Variants in ANKLE1 observed in about 807,000 individuals in gnomAD.
ANKLE1 encodes ankyrin repeat and LEM domain containing 1.
In ANKLE1, 59 loss-of-function variants were observed where a neutral mutation model predicts 56.2. The observed-to-expected ratio is 1.05, with a 90% CI of 0.85 to 1.30. The LOEUF is 1.30. Ranked by LOEUF, ANKLE1 falls within the 50% of genes most tolerant of loss-of-function variation. The pLI, the probability that ANKLE1 is intolerant of heterozygous loss-of-function variation, is 0.00. For missense variants in ANKLE1, 771 were observed against 816.1 expected (o/e 0.94, Z 0.67); for synonymous variants, 341 against 352.9 (o/e 0.97, Z 0.38).
Position 17,283,744 on chromosome 19 carries a change from T to C in ANKLE1, c.980T>C (p.Ile327Thr), listed in dbSNP as rs780072690. 2 of 1,613,612 alleles carry C rather than the reference T, an allele frequency of 1.2e-6. No homozygotes were observed. The highest frequency in any genetic ancestry group is 2.7e-5 in the African/African-American group (2 of 75,024). The part of the protein sequence containing the change: ...CHCLWEHQTS[I>T]DSDMATLWLT... ...TGCCTGTGGGAGCACCAGACATCCA[T>C]TGATAGTGACATGGCCACGCTCTGG... The change falls in exon 5 of 9, where the codon ATT becomes ACT. Residue 327 changes from isoleucine (I) to threonine (T), a missense_variant. Physicochemically the swap from Ile to Thr is moderately conservative, Grantham distance 89. Coordinates refer to ENST00000404085, the MANE Select transcript of ANKLE1 (RefSeq NM_152363.6).
rs34112069 is a variant in ANKLE1, at chr19:17,284,229, G to A, written c.1339G>A (p.Val447Met). ...TGCCAGGAGGTGGCGGGAGGGGGTC[G>A]TGAAGTCTAGCTTCACCTATCTGCT... The part of the protein sequence containing the change: ...DPARRWREGV[V>M]KSSFTYLLLD... The change falls in exon 6 of 9, where the codon GTG (valine) becomes ATG (methionine). Residue 447 changes from valine to methionine, a missense_variant. Transcript: ENST00000404085. 3.0e-3 allele frequency: 4,912 copies of A among 1,613,752 alleles called. 118 individuals carry two copies. The African/African-American group carries it at 0.053, about 18-fold the overall frequency.
Position 17,287,643 on chromosome 19 carries a change from T to C in ANKLE1, c.*1091T>C, listed in dbSNP as rs1438968075. 6.6e-6 allele frequency: 1 copy of C among 151,976 alleles called. No homozygotes were observed. The highest frequency in any genetic ancestry group is 1.5e-5 in the Non-Finnish European group (1 of 68,044). 9.4% of individuals were successfully genotyped at this position (151,976 alleles called of 1,614,324 possible). ...AGTTTCTTAATAAATTTGCTTTCAC[T>C]GTACTCTATGAACTCGCCCTGGATT... On this transcript the variant is annotated 3_prime_UTR_variant, in exon 9 of 9. Transcript: ENST00000404085.
Position 17,283,778 on chromosome 19 carries a change from G to C in ANKLE1, c.1014G>C (p.Glu338Asp). The change falls in exon 5 of 9, where the codon GAG becomes GAC. Residue 338 changes from glutamate to aspartate, a missense_variant. Transcript: ENST00000404085. ...DSDMATLWLT[E>D]DEASSTGGRE... The stretch of plus-strand genomic sequence containing the variant: ...ACATGGCCACGCTCTGGCTGACAGA[G>C]GATGAGGCAAGCTCTACAGGTGGCA... 6.2e-7 allele frequency: 1 copy of C among 1,613,698 alleles called. No homozygotes were observed.
rs887988859 is a variant in ANKLE1 at position 17,286,805 on chromosome 19, C to T, written c.*253C>T. ...AGGTAGTAAGTAGTGAGCTCCCCAT[C>T]GTGGGAGGAGGACAAGAAGGGAAGC... is the stretch of plus-strand genomic sequence containing the variant. On this transcript the variant is annotated 3_prime_UTR_variant, in exon 9 of 9. Coordinates refer to ENST00000404085, the MANE Select transcript of ANKLE1 (RefSeq NM_152363.6). The T allele has an allele frequency of 4.5e-6, 6 of 1,334,242 alleles. No homozygotes were observed. Among genetic ancestry groups the T allele is most frequent in the Admixed American group, 3.3e-5 (1 of 30,734 alleles). The allele number at this position is 1,334,242 out of a possible 1,614,324, so 82.7% of individuals were successfully genotyped here.
At position 17,285,422 on chromosome 19, in the gene ANKLE1, T is replaced by C; in HGVS notation, c.1377-9T>C. 6.2e-7 allele frequency: 1 copy of C among 1,613,516 alleles called. No individual in the cohort carries two copies. Among genetic ancestry groups the C allele is most frequent in the Non-Finnish European group, 8.5e-7 (1 of 1,179,874 alleles). ...ACTTTTCCCTGTCTGAGCTATCCCC[T>C]TCATCCAGGGAGACTCAGGACCTGC... On this transcript the variant is annotated splice_polypyrimidine_tract_variant and intron_variant, in intron 6 of 8. Transcript: ENST00000404085.
In ANKLE1 at chr19:17,282,876, C is replaced by T. The variant is rs2073989209; in HGVS notation, c.334C>T (p.Pro112Ser). 1 of 1,583,690 alleles carries T rather than the reference C, an allele frequency of 6.3e-7. No homozygotes were observed. The highest frequency in any genetic ancestry group is 1.1e-5 in the South Asian group (1 of 88,244). ...PALRDQDGLR[P>S]LDLALQQGHL... Reference sequence around the variant, plus strand: ...CGCGCCCCTGTAGGACGGACTCCGGCCGCTGGACCTGGCCCTGCAGCAGGG... The same window carrying T: ...CGCGCCCCTGTAGGACGGACTCCGGTCGCTGGACCTGGCCCTGCAGCAGGG... Residue 112 changes from proline to serine, a missense_variant, in exon 4 of 9, where the codon CCG becomes TCG. Pro to Ser is a moderately conservative substitution (Grantham distance 74). Coordinates refer to ENST00000404085, the MANE Select transcript of ANKLE1 (RefSeq NM_152363.6).
Position 17,283,551 on chromosome 19 carries a change from A to G in ANKLE1, c.787A>G (p.Arg263Gly). Residue 263 changes from arginine (R) to glycine (G), a missense_variant, in exon 5 of 9, where the codon AGG becomes GGG. Transcript: ENST00000404085. ...HVVHANQRVP[R>G]SQGTEAELNA... ...TGTCCATGCCAACCAGAGGGTACCT[A>G]GGTCTCAGGGCACGGAGGCAGAACT... 1 of 1,612,944 alleles carries G rather than the reference A, an allele frequency of 6.2e-7. No individual in the cohort carries two copies. The highest frequency in any genetic ancestry group is 8.5e-7 in the Non-Finnish European group (1 of 1,179,716).
At position 17,287,413 on chromosome 19, in the gene ANKLE1, AG is replaced by A. The variant is rs2074046576; in HGVS notation, c.*862del. 4 of 151,948 alleles carry A rather than the reference AG, an allele frequency of 2.6e-5. No individual in the cohort carries two copies. The highest frequency in any genetic ancestry group is 9.7e-5 in the African/African-American group (4 of 41,214). 9.4% of individuals were successfully genotyped at this position (151,948 alleles called of 1,614,324 possible). A position where few individuals can be genotyped will look rare whatever the true frequency, so the allele number is the denominator to read the frequency against. ...ACCATTGCACTCCAGCCTGGGCAAC[AG>A]AGCGAGAGTCTGTCTCAAACAAACA... On this transcript the variant is annotated 3_prime_UTR_variant, in exon 9 of 9. Transcript: ENST00000404085.
intron 8 of ANKLE1, 62 bp downstream of exon 8, chr19:17,285,881 AT>A: frequency 2.5e-6 from 4 of 1,594,650 alleles, no homozygotes; most frequent in Non-Finnish European, 3.4e-6. Flanking sequence ...CAGTTCCCTC[AT>A]TTTTTTCCTT....
In ANKLE1 at chr19:17,286,672, G is replaced by GTT. The variant is rs1312333900; in HGVS notation, c.*121_*122insTT. On this transcript the variant is annotated 3_prime_UTR_variant, in exon 9 of 9. Coordinates refer to ENST00000404085, the MANE Select transcript of ANKLE1 (RefSeq NM_152363.6). Reference sequence around the variant, plus strand: ...GGTGTGTGTGTGTGTGTGTGTGTGTGTGTGTGTGTGTGTGTGTGTTTGTGT... The same window carrying GTT: ...GGTGTGTGTGTGTGTGTGTGTGTGTGTTTGTGTGTGTGTGTGTGTGTTTGTGT... 294 of 1,229,296 alleles carry GTT rather than the reference G, an allele frequency of 2.4e-4. 1 individual carries two copies. Among genetic ancestry groups the GTT allele is most frequent in the East Asian group, 7.4e-4 (28 of 37,686 alleles). The allele number at this position is 1,229,296 out of a possible 1,614,324, so 76.1% of individuals were successfully genotyped here.
Position 17,283,420 on chromosome 19 carries a change from C to A in ANKLE1, c.656C>A (p.Ala219Asp). 2 of 1,613,668 alleles carry A rather than the reference C, an allele frequency of 1.2e-6. No homozygotes were observed. Among genetic ancestry groups the A allele is most frequent in the South Asian group, 1.1e-5 (1 of 91,088 alleles). The change falls in exon 5 of 9, where the codon GCC becomes GAC. Residue 219 changes from alanine to aspartate, a missense_variant. Transcript: ENST00000404085. The stretch of plus-strand genomic sequence containing the variant: ...GGGCACTGGGATTACAGCTCAGACG[C>A]CTCTTTCGTCACAGCGGTTGAGGTC... Reference protein sequence around the residue: ...PPGHWDYSSDASFVTAVEVSG... With the variant: ...PPGHWDYSSDDSFVTAVEVSG...
rs1046743235 is a variant in ANKLE1, at chr19:17,283,775, A to G, written c.1011A>G (p.Thr337=). 1 of 1,613,700 alleles carries G rather than the reference A, an allele frequency of 6.2e-7. No homozygotes were observed. The highest frequency in any genetic ancestry group is 8.5e-7 in the Non-Finnish European group (1 of 1,179,908). ...IDSDMATLWL[T]EDEASSTGGR... ...GTGACATGGCCACGCTCTGGCTGACAGAGGATGAGGCAAGCTCTACAGGTG... is the reference window on the plus strand; with the variant it reads ...GTGACATGGCCACGCTCTGGCTGACGGAGGATGAGGCAAGCTCTACAGGTG... The change falls in exon 5 of 9, where the codon ACA becomes ACG. Residue 337 remains threonine (T), a synonymous_variant. Transcript: ENST00000404085.
chr19:17,285,679 AG>A lies in ANKLE1; in HGVS notation c.1537-1del. 6.2e-7 allele frequency: 1 copy of A among 1,613,876 alleles called. No homozygotes were observed. The highest frequency in any genetic ancestry group is 8.5e-7 in the Non-Finnish European group (1 of 1,179,864). ...GGGTGCTGACTCCTGATTCTGCCCT[AG>A]CCCCACCAGGCCTGCCCCAAGGTGC... On this transcript the variant is annotated splice_acceptor_variant, in intron 7 of 8. Coordinates refer to ENST00000404085, the MANE Select transcript of ANKLE1 (RefSeq NM_152363.6). LOFTEE classifies it high-confidence loss of function.
chr19:17,285,921 A>G (rs2074026582), intron 8 of ANKLE1, 102 bp downstream of exon 8: 1 of 1,481,472 alleles, frequency 6.8e-7, no homozygotes, highest in Non-Finnish European at 9.1e-7. Context: ...TTGACTGAGC[A>G]ATTATTGAGC....
rs2074034944 is a variant in ANKLE1, at chr19:17,286,646, G to GT, written c.*94_*95insT. 2.7e-6 allele frequency: 4 copies of GT among 1,505,488 alleles called. No individual in the cohort carries two copies. The highest frequency in any genetic ancestry group is 3.2e-5 in the African/African-American group (2 of 63,114). 93.3% of individuals were successfully genotyped at this position (1,505,488 alleles called of 1,614,324 possible). A position where few individuals can be genotyped will look rare whatever the true frequency, so the allele number is the denominator to read the frequency against. On this transcript the variant is annotated 3_prime_UTR_variant, in exon 9 of 9. Transcript: ENST00000404085. Reference sequence around the variant, plus strand: ...CAGCCCCCATCTCTGGTTTCAGAAGGGGTGTGTGTGTGTGTGTGTGTGTGT... The same window carrying GT: ...CAGCCCCCATCTCTGGTTTCAGAAGGTGGTGTGTGTGTGTGTGTGTGTGTGT...
Position 17,282,564 on chromosome 19 carries a change from C to T in ANKLE1, c.216-92C>T. 3.1e-6 allele frequency: 4 copies of T among 1,298,052 alleles called. No homozygotes were observed. The South Asian group carries it at 3.8e-5, about 12-fold the overall frequency. The allele number at this position is 1,298,052 out of a possible 1,614,324, so 80.4% of individuals were successfully genotyped here. A position where few individuals can be genotyped will look rare whatever the true frequency, so the allele number is the denominator to read the frequency against. On this transcript the variant is annotated intron_variant, in intron 2 of 8. Coordinates refer to ENST00000404085, the MANE Select transcript of ANKLE1 (RefSeq NM_152363.6). Reference sequence around the variant, plus strand: ...GGTGGACGGCGGAGATCCGGGAGGCCGAGAACGAAGGCTCCAGGTCCCCAG... The same window carrying T: ...GGTGGACGGCGGAGATCCGGGAGGCTGAGAACGAAGGCTCCAGGTCCCCAG...
chr19:17,286,538 C>G lies in ANKLE1; in HGVS notation c.1834C>G (p.Gln612Glu). 1.2e-6 allele frequency: 2 copies of G among 1,607,522 alleles called. No individual in the cohort carries two copies. Among genetic ancestry groups the G allele is most frequent in the South Asian group, 2.2e-5 (2 of 90,042 alleles). The stretch of plus-strand genomic sequence containing the variant: ...GCGACAGCTTCATCCCCAGGACATC[C>G]AGGCCCGGGGCTGAGTGCTGGGGAG... ...GERQLHPQDI[Q>E]ARG The change falls in exon 9 of 9, where the codon CAG becomes GAG. Residue 612 changes from glutamine to glutamate, a missense_variant. Gln to Glu is a conservative substitution (Grantham distance 29). Coordinates refer to ENST00000404085, the MANE Select transcript of ANKLE1 (RefSeq NM_152363.6).
intron 1 of ANKLE1, 24 bp from the exon 2 acceptor site, chr19:17,282,033 C>T: frequency 6.5e-7 from 1 of 1,537,126 alleles, no homozygotes; most frequent in African/African-American, 1.4e-5. Context: ...TGGCCGGGGT[C>T]CACTCTGACC....
Position 17,285,705 on chromosome 19 carries a change from C to T in ANKLE1, c.1561C>T (p.Arg521Cys). Residue 521 changes from arginine (R) to cysteine (C), a missense_variant, in exon 8 of 9, where the codon CGT becomes TGT. Coordinates refer to ENST00000404085, the MANE Select transcript of ANKLE1 (RefSeq NM_152363.6). ...KQPHQACPKV[R>C]QILDIWASGC... ...GCCCCACCAGGCCTGCCCCAAGGTG[C>T]GTCAGATCTTGGACATCTGGGCCAG... is the stretch of plus-strand genomic sequence containing the variant. 4 of 1,613,926 alleles carry T rather than the reference C, an allele frequency of 2.5e-6. No individual in the cohort carries two copies. Among genetic ancestry groups the T allele is most frequent in the African/African-American group, 2.7e-5 (2 of 75,022 alleles).
Sources: gnomAD v4.1 joint callset for allele counts on GRCh38, gnomAD v4.1.1 for gene constraint, MANE v1.5 for transcripts, NCBI Gene and HGNC (gene_info 2026-07-23, HGNC 2026-07-21) for gene names.